Variants in PEAR1 observed in about 807,000 individuals in gnomAD.
The protein encoded by PEAR1 is multiple EGF-like domains protein 12.
In PEAR1, 113 loss-of-function variants were observed where a neutral mutation model predicts 131.2. The observed-to-expected ratio is 0.86, with a 90% CI of 0.74 to 1.01. PEAR1 has a LOEUF of 1.01. Among genes scored for constraint, PEAR1 ranks in the 50% least tolerant of loss-of-function variants. The pLI is 0.00. For missense variants in PEAR1, 1,408 were observed against 1,391.1 expected (o/e 1.01, Z -0.19); for synonymous variants, 565 against 523.3 (o/e 1.08, Z -1.09).
chr1:156,897,796 G>A (rs1157924749), intron 1 of PEAR1, among the ~76,000 whole-genome samples: 5 of 152,326 alleles, frequency 3.3e-5, no homozygotes, highest in East Asian at 3.9e-4. Context: ...CCATGGTGGC[G>A]GTGTGGTGAG....
In PEAR1 at chr1:156,913,532, C is replaced by T. The variant is rs375917334; in HGVS notation, c.2644+9C>T. 1.1e-4 allele frequency: 175 copies of T among 1,611,434 alleles called. No homozygotes were observed. The highest frequency in any genetic ancestry group is 1.7e-4 in the Middle Eastern group (1 of 5,860). On this transcript the variant is annotated intron_variant, in intron 20 of 22. Transcript: ENST00000292357. ...AGGGCCTCTGGACAGGGGTAGGTGC[C>T]GGGAGGCCAGGGTCTCTGGCGCGGG...
rs1320131995 is a variant in PEAR1, at chr1:156,902,549, C to T, written c.-9-1369C>T. ...GCCTAGACCTGGAGGGAAGGAGCGG[C>T]TGCCCTTCTTGGGGCTGAGAGTGGC... On this transcript the variant is annotated intron_variant, in intron 1 of 22. Transcript: ENST00000292357. This position sits in a 1 kb window ranked among gnomAD's most constrained non-coding sequence, Gnocchi z 4.3. Among the ~76,000 whole-genome samples, 1 of 152,034 alleles carries T rather than the reference C, an allele frequency of 6.6e-6. No individual in the cohort carries two copies. The highest frequency in any genetic ancestry group is 2.4e-5 in the African/African-American group (1 of 41,358).
intron 4 of PEAR1, among the ~76,000 whole-genome samples, chr1:156,905,950 T>C (rs1394997393): frequency 6.6e-6 from 1 of 152,142 alleles, no homozygotes; most frequent in East Asian, 1.9e-4. Context: ...CTGCAAACAC[T>C]GCTCTCCAGA....
In PEAR1 at chr1:156,907,964, G is replaced by T. The variant is rs1347718149; in HGVS notation, c.815G>T (p.Cys272Phe). Residue 272 changes from cysteine (C) to phenylalanine (F), a missense_variant, in exon 8 of 23, where the codon TGC (cysteine) becomes TTC (phenylalanine). By Grantham distance (205) the Cys-to-Phe change is radical. Transcript: ENST00000292357. Reference protein sequence around the residue: ...PCPEGFHGPNCSQECRCHNGG... With the variant: ...PCPEGFHGPNFSQECRCHNGG... ...CCAGAGGGCTTTCACGGACCCAACT[G>T]CTCCCAGGAATGTCGCTGCCACAAC... is the stretch of plus-strand genomic sequence containing the variant. 3 of 1,583,684 alleles carry T rather than the reference G, an allele frequency of 1.9e-6. No individual in the cohort carries two copies. The highest frequency in any genetic ancestry group is 1.1e-5 in the South Asian group (1 of 87,784).
At chr1:156,910,491 C>T in intron 14 of PEAR1, 111 bp downstream of exon 14, 1 of 1,546,912 alleles carries the variant, frequency 6.5e-7, no homozygotes, top group Non-Finnish European at 8.7e-7. Context: ...CACCTTACCC[C>T]CGGTCTCTTC....
chr1:156,899,989 A>C (rs1329105166), intron 1 of PEAR1, among the ~76,000 whole-genome samples: 2 of 151,522 alleles, frequency 1.3e-5, no homozygotes, highest in Non-Finnish European at 2.9e-5. Flanking sequence ...AATCCCCCCC[A>C]CCCCTGCTCC....
chr1:156,908,907 C>CTT lies in PEAR1; in HGVS notation c.1291-8_1291-7insTT. ...GGGCCGCCCCTCTCACCCGCTCACC[C>CTT]TCTTTCAGGGCCCTCACTGTGCTAG... On this transcript the variant is annotated splice_polypyrimidine_tract_variant and intron_variant, in intron 10 of 22. Transcript: ENST00000292357. This position sits in a 1 kb window ranked among gnomAD's most constrained non-coding sequence, Gnocchi z 4.2. 2 of 1,612,840 alleles carry CTT rather than the reference C, an allele frequency of 1.2e-6. No homozygotes were observed. Among genetic ancestry groups the CTT allele is most frequent in the Non-Finnish European group, 1.7e-6 (2 of 1,179,952 alleles).
chr1:156,909,274 C>G (rs1423426025), intron 11 of PEAR1, among the ~76,000 whole-genome samples: 11 of 152,220 alleles, frequency 7.2e-5, no homozygotes, highest in Admixed American at 6.5e-4. Context: ...AGCCACCTCA[C>G]TGGCGAACGT....
intron 1 of PEAR1, among the ~76,000 whole-genome samples, chr1:156,899,562 T>C (rs1361673082): frequency 6.6e-6 from 1 of 152,068 alleles, no homozygotes; most frequent in Non-Finnish European, 1.5e-5. Context: ...AGGTTTTTCC[T>C]GGAATTAATA....
Position 156,912,576 on chromosome 1 carries a change from G to A in PEAR1, c.2163G>A (p.Gly721=), listed in dbSNP as rs377220634. ...GPGEKCHPET[G]ACVCPPGHSG... ...GAGAAAAGTGCCACCCAGAGACTGG[G>A]GCCTGTGTATGTCCCCCAGGGCACA... The change falls in exon 17 of 23, where the codon GGG becomes GGA. Residue 721 remains glycine (G), a synonymous_variant. Coordinates refer to ENST00000292357, the MANE Select transcript of PEAR1 (RefSeq NM_001080471.3). 10 of 1,613,896 alleles carry A rather than the reference G, an allele frequency of 6.2e-6. No individual in the cohort carries two copies. In the African/African-American group the frequency reaches 1.3e-4, roughly 22 times the overall value.
chr1:156,905,484 T>C, intron 4 of PEAR1, 60 bp downstream of exon 4: 1 of 1,451,788 alleles, frequency 6.9e-7, no homozygotes, highest in Non-Finnish European at 9.3e-7. Flanking sequence ...GAGCTTAGCC[T>C]ACTCTTCTGA....
Position 156,914,859 on chromosome 1 carries a change from C to A in PEAR1, c.*61C>A, listed in dbSNP as rs1304780304. 4.4e-6 allele frequency: 7 copies of A among 1,582,812 alleles called. No individual in the cohort carries two copies. Among genetic ancestry groups the A allele is most frequent in the Non-Finnish European group, 5.2e-6 (6 of 1,159,744 alleles). On this transcript the variant is annotated 3_prime_UTR_variant, in exon 23 of 23. Transcript: ENST00000292357. ...GGCTGTTGCTGCTCAAGGCTGGGGA[C>A]AGAGCCTAGTGTACCCCTGCCAGGA...
intron 1 of PEAR1, among the ~76,000 whole-genome samples, chr1:156,895,046 C>G (rs1649029354): frequency 6.6e-6 from 1 of 152,210 alleles, no homozygotes; most frequent in Non-Finnish European, 1.5e-5. Context: ...TGTGGCCTCT[C>G]CCACTCTTGA....
chr1:156,904,357 G>A (rs1649993992), intron 2 of PEAR1, among the ~76,000 whole-genome samples: 1 of 152,156 alleles, frequency 6.6e-6, no homozygotes, highest in East Asian at 1.9e-4. Context: ...CCCAGGGGGA[G>A]CAAAGGAAAC....
chr1:156,914,144 A>C (rs775337219), intron 22 of PEAR1, 44 bp downstream of exon 22: 2 of 1,508,230 alleles, frequency 1.3e-6, no homozygotes, highest in Non-Finnish European at 8.9e-7. Context: ...GAGAACTGGG[A>C]CAAGGGAGGC....
intron 1 of PEAR1, among the ~76,000 whole-genome samples, chr1:156,895,050 C>A (rs891034176): frequency 6.6e-6 from 1 of 152,214 alleles, no homozygotes; most frequent in South Asian, 2.1e-4. Flanking sequence ...GCCTCTCCCA[C>A]TCTTGAGGCC....
At chr1:156,901,938 T>C (rs1019431188) in intron 1 of PEAR1, among the ~76,000 whole-genome samples, 1 of 151,962 alleles carries the variant, frequency 6.6e-6, no homozygotes, top group African/African-American at 2.4e-5. Flanking sequence ...TGGGGATGTG[T>C]CTGGGTGATG....
chr1:156,913,487 C>A lies in PEAR1; in HGVS notation c.2608C>A (p.His870Asn), dbSNP rs754457359. 6.2e-7 allele frequency: 1 copy of A among 1,613,156 alleles called. No individual in the cohort carries two copies. The highest frequency in any genetic ancestry group is 1.3e-5 in the African/African-American group (1 of 74,948). Residue 870 changes from histidine to asparagine, a missense_variant, in exon 20 of 23, where the codon CAC becomes AAC. Physicochemically the swap from His to Asn is moderately conservative, Grantham distance 68. Transcript: ENST00000292357. ...CACCACCCTGCCTGCTGACTGGAAGCACCGCCGGGAGCCCCCTCCAGGGCC... is the reference window on the plus strand; with the variant it reads ...CACCACCCTGCCTGCTGACTGGAAGAACCGCCGGGAGCCCCCTCCAGGGCC... ...NHTTLPADWK[H>N]RREPPPGPLD...
At chr1:156,904,262 C>G (rs532767990) in intron 2 of PEAR1, among the ~76,000 whole-genome samples, 20 of 152,288 alleles carry the variant, frequency 1.3e-4, no homozygotes, top group African/African-American at 4.8e-4. Flanking sequence ...TTCTCTTTCC[C>G]CGTCCCTTAG....
Sources: allele counts gnomAD v4.1 joint callset (sites outside exome capture counted in the v4.1 genomes callset), GRCh38; gene constraint gnomAD v4.1.1; non-coding constraint Gnocchi (gnomAD v3.1); transcripts MANE v1.5; gene names NCBI Gene and HGNC (gene_info 2026-07-23, HGNC 2026-07-21).